PKD2L1: variants seen among roughly 807,000 people sequenced by gnomAD.
PKD2L1 encodes polycystin-2-like protein 1.
PKD2L1 carries 77 observed loss-of-function variants against 93.0 expected under a neutral mutation model. That is an observed-to-expected ratio of 0.83 (90% CI 0.69 to 1.00). The LOEUF is 1.00. Ranked by LOEUF, PKD2L1 falls within the 50% of genes least tolerant of loss-of-function variation. The pLI is 0.00. For missense variants in PKD2L1, 977 were observed against 990.9 expected, an observed-to-expected ratio of 0.99 and a Z score of 0.19; for synonymous variants, 390 against 388.0, an observed-to-expected ratio of 1.01 and a Z score of -0.06.
At chr10:100,292,531 C>T (rs1287633799) in intron 11 of PKD2L1, among the ~76,000 whole-genome samples, 1 of 151,870 alleles carries the variant, frequency 6.6e-6, no homozygotes, top group Non-Finnish European at 1.5e-5. Flanking sequence ...TTACTCAGTG[C>T]CTGATCTGCA....
rs1424604352 is a variant in PKD2L1 at position 100,303,190 on chromosome 10, TG to T, written c.350-3473del. Among the ~76,000 whole-genome samples the T allele has an allele frequency of 1.6e-3, 186 of 119,040 alleles. 2 individuals are homozygous for T. Among genetic ancestry groups the T allele is most frequent in the African/African-American group, 6.3e-3 (176 of 28,078 alleles). The allele number at this position is 119,040 out of a possible 152,430, so 78.1% of individuals were successfully genotyped here. The stretch of plus-strand genomic sequence containing the variant: ...CTTTAAGTCCATAATTACATCAAAC[TG>T]TTTTTTTGTTTTTTTTTTTGAGACG... On this transcript the variant is annotated intron_variant, in intron 2 of 15. Transcript: ENST00000318222.
chr10:100,320,900 G>A (rs1849212329), intron 2 of PKD2L1, among the ~76,000 whole-genome samples: 3 of 152,140 alleles, frequency 2.0e-5, no homozygotes, highest in Admixed American at 1.3e-4. Flanking sequence ...TGCCCTCGTG[G>A]TAATCTCTCT....
At position 100,296,130 on chromosome 10, in the gene PKD2L1, A is replaced by C; in HGVS notation, c.1348T>G (p.Trp450Gly). 1.2e-6 allele frequency: 2 copies of C among 1,608,788 alleles called. No homozygotes were observed. The highest frequency in any genetic ancestry group is 4.5e-5 in the East Asian group (2 of 44,330). Reference protein sequence around the residue: ...NMNAVNLFFAWIKIFKYISFN... With the variant: ...NMNAVNLFFAGIKIFKYISFN... ...GTGGGAATCCCAGGTACCTTGATCC[A>C]GGCGAAGAAGAGGTTGACAGCATTC... The change falls in exon 7 of 16, where the codon TGG becomes GGG. Residue 450 changes from tryptophan to glycine, a missense_variant. Trp to Gly is a radical substitution (Grantham distance 184). Transcript: ENST00000318222.
chr10:100,315,360 C>A (rs1007368328), intron 2 of PKD2L1, among the ~76,000 whole-genome samples: 3 of 151,986 alleles, frequency 2.0e-5, no homozygotes, highest in Admixed American at 6.6e-5. Context: ...CTGCACCTAT[C>A]GACTCATCAT....
rs748728734 is a variant in PKD2L1 at position 100,292,930 on chromosome 10, G to A, written c.1880+18C>T. The stretch of plus-strand genomic sequence containing the variant: ...TAAGAGACTGTTATTAGAGAAGGCT[G>A]GGTCTCTGGTTGCTCACTCCCTTAA... On this transcript the variant is annotated intron_variant, in intron 11 of 15. Coordinates refer to ENST00000318222, the MANE Select transcript of PKD2L1 (RefSeq NM_016112.3). 1.2e-6 allele frequency: 2 copies of A among 1,609,446 alleles called. No homozygotes were observed. The highest frequency in any genetic ancestry group is 3.4e-5 in the Admixed American group (2 of 58,832).
intron 2 of PKD2L1, among the ~76,000 whole-genome samples, chr10:100,321,541 G>C (rs1304719321): frequency 1.3e-5 from 2 of 148,594 alleles, no homozygotes; most frequent in East Asian, 4.0e-4. Flanking sequence ...GGGTGTGGTG[G>C]TGTGTCCCTG....
At chr10:100,313,370 G>A (rs1304284270) in intron 2 of PKD2L1, among the ~76,000 whole-genome samples, 3 of 152,200 alleles carry the variant, frequency 2.0e-5, no homozygotes, top group Non-Finnish European at 4.4e-5. Context: ...GAAAAGACAG[G>A]AAACCAGGCA....
chr10:100,327,816 C>G (rs1247326994), intron 2 of PKD2L1, among the ~76,000 whole-genome samples: 1 of 152,192 alleles, frequency 6.6e-6, no homozygotes, highest in Non-Finnish European at 1.5e-5. Flanking sequence ...TGCAGAGTGG[C>G]CAGTGACAAA....
intron 2 of PKD2L1, among the ~76,000 whole-genome samples, chr10:100,323,682 G>A (rs1689320756): frequency 6.6e-6 from 1 of 152,088 alleles, no homozygotes; most frequent in African/African-American, 2.4e-5. Flanking sequence ...TTTGTGTTGA[G>A]AATATTTAAA....
chr10:100,317,600 G>A (rs1384763085), intron 2 of PKD2L1, among the ~76,000 whole-genome samples: 2 of 152,164 alleles, frequency 1.3e-5, no homozygotes, highest in Non-Finnish European at 2.9e-5. Flanking sequence ...GTCTCCTAAT[G>A]TCTGGCTTAA....
In PKD2L1 at chr10:100,308,433, C is replaced by G. The variant is rs532007681; in HGVS notation, c.350-8715G>C. Among the ~76,000 whole-genome samples the G allele has an allele frequency of 3.3e-5, 5 of 151,918 alleles. No homozygotes were observed. In the South Asian group the frequency reaches 1.0e-3, roughly 32 times the overall value. ...CACTGCAACCTCTGCCTCCTAGGTT[C>G]AAGCAATTCTCCTGCTTCAGCCTCC... On this transcript the variant is annotated intron_variant, in intron 2 of 15. Coordinates refer to ENST00000318222, the MANE Select transcript of PKD2L1 (RefSeq NM_016112.3).
At chr10:100,313,280 T>G (rs1848973936) in intron 2 of PKD2L1, among the ~76,000 whole-genome samples, 1 of 152,194 alleles carries the variant, frequency 6.6e-6, no homozygotes, top group African/African-American at 2.4e-5. Context: ...ATGTATTTAG[T>G]GCTAGAAACC....
intron 2 of PKD2L1, among the ~76,000 whole-genome samples, chr10:100,307,194 T>C (rs923126508): frequency 5.3e-5 from 8 of 152,230 alleles, no homozygotes; most frequent in Non-Finnish European, 1.2e-4. Flanking sequence ...TTATTTCATT[T>C]AATCCTACTA....
intron 8 of PKD2L1, 71 bp from the exon 9 acceptor site, chr10:100,294,726 G>A (rs1022045864): frequency 9.8e-5 from 157 of 1,597,192 alleles, no homozygotes; most frequent in Non-Finnish European, 1.3e-4. Flanking sequence ...TAATCACAGA[G>A]AGACCCCTCA....
In PKD2L1 at chr10:100,297,026, C is replaced by T. The variant is rs200855686; in HGVS notation, c.1139G>A (p.Arg380His). 3.0e-5 allele frequency: 48 copies of T among 1,613,962 alleles called. No homozygotes were observed. The African/African-American group carries it at 3.9e-4, about 13-fold the overall frequency. Residue 380 changes from arginine (R) to histidine (H), a missense_variant, in exon 6 of 16, where the codon CGC (arginine) becomes CAC (histidine). Transcript: ENST00000318222. ...EILELHIHRL[R>H]YLSSIWNILD... ...TATGTTCCAGATGCTGCTGAGGTAG[C>T]GAAGCCGGTGAATGTGGAGCTCCAG...
chr10:100,293,165 A>C, intron 10 of PKD2L1, 96 bp from the exon 11 acceptor site: 1 of 1,584,642 alleles, frequency 6.3e-7, no homozygotes, highest in Non-Finnish European at 8.6e-7. Flanking sequence ...TCCAAGGATA[A>C]ATTTAAAGGC....
intron 2 of PKD2L1, among the ~76,000 whole-genome samples, chr10:100,325,939 A>C (rs983907560): frequency 3.3e-5 from 5 of 152,192 alleles, no homozygotes; most frequent in Admixed American, 3.3e-4. Context: ...CACAGCTGAT[A>C]ATTGGGGAAG....
intron 9 of PKD2L1, 56 bp downstream of exon 9, chr10:100,294,479 A>G: frequency 1.9e-6 from 3 of 1,602,128 alleles, no homozygotes; most frequent in Non-Finnish European, 2.6e-6. Context: ...ACATACTAGG[A>G]CCAAAACTCC....
At chr10:100,293,660 G>C (rs1848456917) in intron 9 of PKD2L1, among the ~76,000 whole-genome samples, 1 of 152,094 alleles carries the variant, frequency 6.6e-6, no homozygotes, top group Admixed American at 6.6e-5. Context: ...ATATGCCACA[G>C]ACCTCCTTTG....
Sources: gnomAD v4.1 joint callset for allele counts (sites outside exome capture counted in the v4.1 genomes callset) on GRCh38, gnomAD v4.1.1 for gene constraint, MANE v1.5 for transcripts, NCBI Gene and HGNC (gene_info 2026-07-23, HGNC 2026-07-21) for gene names.